Variants in USP24 observed in about 807,000 individuals in gnomAD.
The protein encoded by USP24 is ubiquitin specific peptidase 24.
In USP24, 97 loss-of-function variants were observed where a neutral mutation model predicts 361.6. That is an observed-to-expected ratio of 0.27 (90% CI 0.23 to 0.32). USP24 has a LOEUF of 0.32. Among genes scored for constraint, USP24 ranks in the 10% least tolerant of loss-of-function variants. The pLI, the probability that USP24 is intolerant of heterozygous loss-of-function variation, is 1.00. For missense variants in USP24, 2,353 were observed against 3,165.6 expected, an observed-to-expected ratio of 0.74 and a Z score of 6.16; for synonymous variants, 1,098 against 1,124.6, an observed-to-expected ratio of 0.98 and a Z score of 0.47.
intron 20 of USP24, among the ~76,000 whole-genome samples, chr1:55,145,552 A>G (rs72660592): frequency 1.3e-5 from 2 of 152,322 alleles, no homozygotes; most frequent in Non-Finnish European, 2.9e-5. Context: ...TGGGGTAATG[A>G]AAATGTTCTG....
rs774134887 is a variant in USP24, at chr1:55,078,683, C to T, written c.7201-32G>A. On this transcript the variant is annotated intron_variant, in intron 60 of 67. Transcript: ENST00000294383. Reference sequence around the variant, plus strand: ...GGAAGACATAACACAGTCAGCTATTCTCATGTCACAGTTAACACTCCATCT... The same window carrying T: ...GGAAGACATAACACAGTCAGCTATTTTCATGTCACAGTTAACACTCCATCT... The T allele has an allele frequency of 2.6e-6, 4 of 1,548,128 alleles. No homozygotes were observed. In the East Asian group the frequency reaches 9.2e-5, roughly 36 times the overall value.
At chr1:55,096,838 AAC>A (rs1645506110) in intron 49 of USP24, 112 bp downstream of exon 49, 3 of 1,397,004 alleles carry the variant, frequency 2.1e-6, no homozygotes, top group African/African-American at 1.4e-5. Context: ...TTCAAAATGA[AAC>A]ACAGTCAAGA....
At chr1:55,072,725 T>C in intron 65 of USP24, 61 bp downstream of exon 65, 1 of 1,474,242 alleles carries the variant, frequency 6.8e-7, no homozygotes, top group Non-Finnish European at 9.2e-7. Flanking sequence ...AGATTTTTCC[T>C]GACAAGATGT....
rs966574994 is a variant in USP24 at position 55,144,166 on chromosome 1, A to G, written c.2400T>C (p.Asn800=). The G allele has an allele frequency of 1.2e-6, 2 of 1,607,346 alleles. No homozygotes were observed. Among genetic ancestry groups the G allele is most frequent in the South Asian group, 2.2e-5 (2 of 89,188 alleles). ...NLFKTFFENV[N]LCDHRLKRQG... ...GTCTTTTCAATCGATGATCACAAAG[A>G]TTCACATTTTCAAAAAAAGTTTTAA... The change falls in exon 21 of 68, where the codon AAT becomes AAC. Residue 800 remains asparagine (N), a synonymous_variant. Transcript: ENST00000294383.
In USP24 at chr1:55,099,754, A is replaced by G; in HGVS notation, c.5370+17T>C. 1 of 1,528,196 alleles carries G rather than the reference A, an allele frequency of 6.5e-7. No individual in the cohort carries two copies. The highest frequency in any genetic ancestry group is 8.9e-7 in the Non-Finnish European group (1 of 1,126,946). 94.7% of individuals were successfully genotyped at this position (1,528,196 alleles called of 1,614,324 possible). A position where few individuals can be genotyped will look rare whatever the true frequency, so the allele number is the denominator to read the frequency against. ...TAGAGTTTGAGGGAGTTAGAGGGAA[A>G]GTACAACTTTTACTACCTTGAGGTA... On this transcript the variant is annotated intron_variant, in intron 45 of 67. Coordinates refer to ENST00000294383, the MANE Select transcript of USP24 (RefSeq NM_015306.3).
intron 32 of USP24, among the ~76,000 whole-genome samples, chr1:55,129,013 C>T (rs879119480): frequency 6.6e-6 from 1 of 152,082 alleles, no homozygotes; most frequent in Admixed American, 6.6e-5. Flanking sequence ...AACCACCATG[C>T]CTGCCCTGTT....
At chr1:55,205,907 A>G (rs1417172992) in intron 1 of USP24, among the ~76,000 whole-genome samples, 1 of 152,216 alleles carries the variant, frequency 6.6e-6, no homozygotes, top group Non-Finnish European at 1.5e-5. Flanking sequence ...GAGGCCCCAT[A>G]GCTCTTAATT....
intron 1 of USP24, among the ~76,000 whole-genome samples, chr1:55,210,922 C>T (rs1644831910): frequency 6.6e-6 from 1 of 152,122 alleles, no homozygotes; most frequent in South Asian, 2.1e-4. Flanking sequence ...AATCTCCTTC[C>T]AAAAACTTCC....
intron 5 of USP24, among the ~76,000 whole-genome samples, chr1:55,169,232 G>A (rs754004903): frequency 8.6e-5 from 13 of 151,910 alleles, no homozygotes; most frequent in Non-Finnish European, 1.6e-4. Context: ...AAAAAAATCC[G>A]TGAATTGTAC....
At chr1:55,170,710 C>T (rs1649352843) in intron 5 of USP24, among the ~76,000 whole-genome samples, 1 of 152,180 alleles carries the variant, frequency 6.6e-6, no homozygotes, top group Non-Finnish European at 1.5e-5. Flanking sequence ...TCTGACTCCT[C>T]AAGGTGGCAA....
chr1:55,147,071 A>T lies in USP24; in HGVS notation c.2119-11T>A. ...ATGTGCCTCTAAATACTGCAAAAAG[A>T]AATAATGCTAATTAGTTAACTCCAG... is the stretch of plus-strand genomic sequence containing the variant. On this transcript the variant is annotated splice_polypyrimidine_tract_variant and intron_variant, in intron 18 of 67. Transcript: ENST00000294383. 6.5e-7 allele frequency: 1 copy of T among 1,543,088 alleles called. No individual in the cohort carries two copies. Among genetic ancestry groups the T allele is most frequent in the Non-Finnish European group, 8.7e-7 (1 of 1,149,678 alleles).
intron 1 of USP24, among the ~76,000 whole-genome samples, chr1:55,189,608 G>T (rs781260857): frequency 3.9e-5 from 6 of 152,158 alleles, no homozygotes; most frequent in Non-Finnish European, 8.8e-5. Flanking sequence ...TCTTTTGGAG[G>T]TGATGAAAAT....
At chr1:55,159,725 T>A in intron 8 of USP24, 40 bp from the exon 9 acceptor site, 1 of 1,513,430 alleles carries the variant, frequency 6.6e-7, no homozygotes, top group Non-Finnish European at 9.0e-7. Context: ...CTCCCGAAGC[T>A]GTCCCAAAAG....
chr1:55,079,747 C>T (rs1194502257), intron 59 of USP24, 88 bp from the exon 60 acceptor site: 2 of 1,468,596 alleles, frequency 1.4e-6, no homozygotes, highest in Middle Eastern at 1.9e-4. Context: ...GTGCCTCCTT[C>T]AAGACTCGCA....
At chr1:55,119,900 A>C (rs1391270747) in intron 38 of USP24, among the ~76,000 whole-genome samples, 1 of 152,188 alleles carries the variant, frequency 6.6e-6, no homozygotes, top group African/African-American at 2.4e-5. Flanking sequence ...ATGATGCAAA[A>C]GTTTTGGAGA....
At chr1:55,199,101 C>A (rs1007279541) in intron 1 of USP24, among the ~76,000 whole-genome samples, 8 of 151,916 alleles carry the variant, frequency 5.3e-5, no homozygotes, top group African/African-American at 1.9e-4. Context: ...ACCAGCTTGG[C>A]CAACAGGCAA....
At chr1:55,163,315 C>T (rs1479167358) in intron 7 of USP24, among the ~76,000 whole-genome samples, 1 of 151,642 alleles carries the variant, frequency 6.6e-6, no homozygotes, top group Non-Finnish European at 1.5e-5. Flanking sequence ...GCAAAAGATA[C>T]CATCAATAAA....
At chr1:55,174,816 G>T (rs1284781838) in intron 3 of USP24, among the ~76,000 whole-genome samples, 1 of 22,606 alleles carries the variant, frequency 4.4e-5, no homozygotes, top group East Asian at 1.6e-3. Context: ...ATTTTGTAGA[G>T]ACAGGGGTCT....
chr1:55,146,297 A>G (rs1647027705), intron 19 of USP24, among the ~76,000 whole-genome samples, 188 bp from the exon 20 acceptor site: 1 of 152,200 alleles, frequency 6.6e-6, no homozygotes, highest in Non-Finnish European at 1.5e-5. Flanking sequence ...TCTTCTAGAT[A>G]ATAAAAATAT....
Sources: allele counts gnomAD v4.1 joint callset (sites outside exome capture counted in the v4.1 genomes callset), GRCh38; gene constraint gnomAD v4.1.1; transcripts MANE v1.5; gene names NCBI Gene and HGNC (gene_info 2026-07-23, HGNC 2026-07-21).